ENPP2: variants seen among roughly 807,000 people sequenced by gnomAD.
ENPP2 encodes the protein ectonucleotide pyrophosphatase/phosphodiesterase 2.
Under a neutral mutation model 120.2 loss-of-function variants are expected in ENPP2, and 51 were observed. The observed-to-expected ratio is 0.42, with a 90% CI of 0.34 to 0.54. The LOEUF (loss-of-function observed/expected upper bound fraction) is 0.54. ENPP2 is among the 20% of genes least tolerant of loss of function. The probability of loss-of-function intolerance (pLI) is 0.04; values close to 1 mark genes in which losing one functional copy is unlikely to be tolerated. For synonymous variants in ENPP2, 365 were observed against 366.4 expected, an observed-to-expected ratio of 1.00 and a Z score of 0.04; for missense variants, 920 against 1,066.5, an observed-to-expected ratio of 0.86 and a Z score of 1.91.
At chr8:119,632,156 A>G (rs929169947) in intron 2 of ENPP2, among the ~76,000 whole-genome samples, 1 of 152,192 alleles carries the variant, frequency 6.6e-6, no homozygotes, top group Non-Finnish European at 1.5e-5. Flanking sequence ...CCTTTACTTG[A>G]CCTAAATCAA....
chr8:119,631,329 G>T (rs1466826647), intron 2 of ENPP2, among the ~76,000 whole-genome samples: 4 of 139,244 alleles, frequency 2.9e-5, no homozygotes, highest in African/African-American at 1.1e-4. Flanking sequence ...CCATTCTCCT[G>T]CCTCAGCCTC....
At chr8:119,656,232 A>C (rs1327902945) in intron 1 of ENPP2, among the ~76,000 whole-genome samples, 2 of 152,148 alleles carry the variant, frequency 1.3e-5, no homozygotes, top group African/African-American at 2.4e-5. Flanking sequence ...CTAAGAACTG[A>C]TAAAAATTCA....
At chr8:119,660,790 A>T (rs939078487) in intron 1 of ENPP2, among the ~76,000 whole-genome samples, 1 of 152,198 alleles carries the variant, frequency 6.6e-6, no homozygotes, top group Non-Finnish European at 1.5e-5. Context: ...ACAATGACTC[A>T]ACTTGCTGTT....
intron 8 of ENPP2, among the ~76,000 whole-genome samples, chr8:119,609,034 C>G (rs1228940707): frequency 2.0e-5 from 3 of 152,034 alleles, no homozygotes; most frequent in Non-Finnish European, 4.4e-5. Flanking sequence ...TGCCTAAGAC[C>G]AAAACAAAAA....
intron 11 of ENPP2, among the ~76,000 whole-genome samples, chr8:119,594,420 G>A (rs528344535): frequency 1.3e-5 from 2 of 152,294 alleles, no homozygotes; most frequent in South Asian, 4.1e-4. Flanking sequence ...TAAGAAACAA[G>A]TTATTGCTTC....
intron 22 of ENPP2, among the ~76,000 whole-genome samples, chr8:119,567,492 G>A (rs1016441062): frequency 6.6e-6 from 1 of 152,096 alleles, no homozygotes; most frequent in African/African-American, 2.4e-5. Context: ...TTTTGTGCCC[G>A]AGCTCATTGT....
chr8:119,595,942 T>C, intron 11 of ENPP2: 2 of 1,613,936 alleles, frequency 1.2e-6, no homozygotes, highest in Non-Finnish European at 1.7e-6. Context: ...TGTCTCCTCT[T>C]AGGGGCAACT....
intron 1 of ENPP2, among the ~76,000 whole-genome samples, chr8:119,654,043 A>T (rs1817699162): frequency 6.9e-6 from 1 of 145,716 alleles, no homozygotes; most frequent in Non-Finnish European, 1.5e-5. Context: ...ATTATATGTT[A>T]TATTATCTAG....
intron 17 of ENPP2, 118 bp from the exon 18 acceptor site, chr8:119,582,720 G>A: frequency 1.3e-6 from 1 of 742,820 alleles, no homozygotes; most frequent in Admixed American, 2.4e-5. Flanking sequence ...AATCAGAACT[G>A]GACAAAACCA....
chr8:119,564,011 A>G (rs1368027812), intron 23 of ENPP2, among the ~76,000 whole-genome samples: 1 of 151,486 alleles, frequency 6.6e-6, no homozygotes, highest in Non-Finnish European at 1.5e-5. Flanking sequence ...TTAATTTTAT[A>G]CAATGAAAAT....
chr8:119,607,376 A>T (rs1471507400), intron 9 of ENPP2, among the ~76,000 whole-genome samples: 1 of 152,212 alleles, frequency 6.6e-6, no homozygotes, highest in African/African-American at 2.4e-5. Context: ...ACCATCTTAC[A>T]TTCTGTTGAG....
intron 2 of ENPP2, among the ~76,000 whole-genome samples, chr8:119,628,227 C>A (rs1816419583): frequency 1.3e-5 from 2 of 152,036 alleles, no homozygotes; most frequent in African/African-American, 4.8e-5. Flanking sequence ...AAGTTAGGGT[C>A]TCATCTCAAT....
chr8:119,613,010 A>C (rs1815220218), intron 8 of ENPP2, among the ~76,000 whole-genome samples: 1 of 152,216 alleles, frequency 6.6e-6, no homozygotes, highest in Non-Finnish European at 1.5e-5. Context: ...TTGTTTCTCA[A>C]ATCTCCACAT....
intron 17 of ENPP2, 84 bp downstream of exon 17, chr8:119,583,633 C>T (rs991708002): frequency 1.4e-5 from 11 of 773,924 alleles, no homozygotes; most frequent in Admixed American, 7.3e-5. Flanking sequence ...AAATAGACAC[C>T]TCATTTCTTT....
At chr8:119,593,025 A>G (rs919769081) in intron 12 of ENPP2, 3 of 899,398 alleles carry the variant, frequency 3.3e-6, no homozygotes, top group Non-Finnish European at 4.0e-6. Context: ...TCAATCTAAT[A>G]GTTCCGGAAT....
At chr8:119,644,109 C>T (rs1291554648) in intron 1 of ENPP2, among the ~76,000 whole-genome samples, 1 of 152,048 alleles carries the variant, frequency 6.6e-6, no homozygotes, top group Non-Finnish European at 1.5e-5. Context: ...ATTGTCTTTA[C>T]CCTAAAGGCA....
intron 13 of ENPP2, among the ~76,000 whole-genome samples, chr8:119,587,323 G>A (rs931247485): frequency 3.3e-5 from 5 of 152,156 alleles, no homozygotes; most frequent in Non-Finnish European, 7.3e-5. Flanking sequence ...CTTCTGGAGG[G>A]AATTCCTCCT....
intron 13 of ENPP2, among the ~76,000 whole-genome samples, chr8:119,589,563 C>T (rs779243237): frequency 1.3e-5 from 2 of 151,886 alleles, no homozygotes; most frequent in South Asian, 2.1e-4. Context: ...CCAGTCTATG[C>T]GAGGGCAGAA....
chr8:119,570,217 T>G (rs1056404361), intron 20 of ENPP2, among the ~76,000 whole-genome samples: 8 of 144,614 alleles, frequency 5.5e-5, no homozygotes, highest in Non-Finnish European at 7.4e-5. Context: ...TGCAGTGAGC[T>G]GAGATCATGC....
Sources: gnomAD v4.1 joint callset for allele counts (sites outside exome capture counted in the v4.1 genomes callset) on GRCh38, gnomAD v4.1.1 for gene constraint, MANE v1.5 for transcripts, NCBI Gene and HGNC (gene_info 2026-07-23, HGNC 2026-07-21) for gene names.